Variants in PDE1A observed in about 807,000 individuals in gnomAD.
The protein encoded by PDE1A is phosphodiesterase 1A.
Under a neutral mutation model 61.7 loss-of-function variants are expected in PDE1A, and 35 were observed. The ratio of observed to expected loss-of-function variants is 0.57; its 90% CI spans 0.43 to 0.75. PDE1A has a LOEUF of 0.75. Ranked by LOEUF, PDE1A falls within the 30% of genes least tolerant of loss-of-function variation. The probability of loss-of-function intolerance (pLI) is 0.00; values close to 1 mark genes in which losing one functional copy is unlikely to be tolerated. For synonymous variants in PDE1A, 232 were observed against 213.2 expected, an observed-to-expected ratio of 1.09 and a Z score of -0.77; for missense variants, 597 against 630.6, an observed-to-expected ratio of 0.95 and a Z score of 0.57.
chr2:182,527,926 G>A (rs149044159), upstream of PDE1A, among the ~76,000 whole-genome samples: 349 of 152,192 alleles, frequency 2.3e-3, 3 homozygotes, highest in African/African-American at 7.9e-3. Flanking sequence ...CACCACGATT[G>A]TAAGGCCTCC....
intron 1 of PDE1A, among the ~76,000 whole-genome samples, chr2:182,284,730 T>G (rs1000308315): frequency 6.6e-6 from 1 of 152,128 alleles, no homozygotes; most frequent in Non-Finnish European, 1.5e-5. Flanking sequence ...TTTTAATCTT[T>G]TCTTTATGCA....
intron 2 of PDE1A, among the ~76,000 whole-genome samples, chr2:182,442,440 C>G (rs1228831000): frequency 6.6e-6 from 1 of 151,848 alleles, no homozygotes; most frequent in East Asian, 1.9e-4. Context: ...ACTATTGGGA[C>G]AAAGACAAAA....
intron 1 of PDE1A, among the ~76,000 whole-genome samples, chr2:182,390,910 C>T: frequency 6.6e-6 from 1 of 152,164 alleles, no homozygotes; most frequent in East Asian, 1.9e-4. Flanking sequence ...TGATGGCCTC[C>T]CCTGAGGCAG....
the PDE1A span, among the ~76,000 whole-genome samples, chr2:182,649,964 A>T: frequency 6.6e-6 from 1 of 152,066 alleles, no homozygotes; most frequent in Admixed American, 6.5e-5. Flanking sequence ...TTGTAGTCTC[A>T]GCTACTCGGA....
chr2:182,430,968 AG>A (rs1409569323), upstream of PDE1A, among the ~76,000 whole-genome samples: 3 of 79,342 alleles, frequency 3.8e-5, no homozygotes, highest in African/African-American at 5.0e-5. Context: ...GGGGTCGGGG[AG>A]GGGGGAGGGA....
At chr2:182,241,503 A>G in intron 2 of PDE1A, among the ~76,000 whole-genome samples, 1 of 152,234 alleles carries the variant, frequency 6.6e-6, no homozygotes, top group Non-Finnish European at 1.5e-5. Flanking sequence ...ACAAAGGACA[A>G]AAAACAGGAG....
chr2:182,655,087 G>A, the PDE1A span, among the ~76,000 whole-genome samples: 1 of 152,142 alleles, frequency 6.6e-6, no homozygotes, highest in African/African-American at 2.4e-5. Context: ...AGCGTAAAGA[G>A]GATAGTAACT....
intron 1 of PDE1A, among the ~76,000 whole-genome samples, chr2:182,336,870 G>A (rs754664621): frequency 1.3e-5 from 2 of 150,572 alleles, no homozygotes; most frequent in African/African-American, 4.9e-5. Context: ...GTGAGGGGAG[G>A]AAACTTAGAG....
intron 2 of PDE1A, among the ~76,000 whole-genome samples, chr2:182,512,723 C>A (rs955659312): frequency 1.3e-5 from 2 of 152,054 alleles, no homozygotes; most frequent in African/African-American, 4.8e-5. Flanking sequence ...GATTCAAGAG[C>A]TGAGAGACAA....
At chr2:182,399,922 T>C (rs1270606579) in intron 1 of PDE1A, among the ~76,000 whole-genome samples, 1 of 152,164 alleles carries the variant, frequency 6.6e-6, no homozygotes, top group African/African-American at 2.4e-5. Context: ...TATTCCTGCA[T>C]GAAAGACTTC....
chr2:182,705,000 C>T, the PDE1A span, among the ~76,000 whole-genome samples: 3 of 151,990 alleles, frequency 2.0e-5, no homozygotes, highest in Non-Finnish European at 4.4e-5. Context: ...TTTTTTGATT[C>T]TTAGATAGAT....
chr2:182,693,844 G>A, the PDE1A span, among the ~76,000 whole-genome samples: 9 of 151,766 alleles, frequency 5.9e-5, no homozygotes, highest in African/African-American at 1.9e-4. Flanking sequence ...ACAGCATTTT[G>A]CCATGTTGGC....
the PDE1A span, among the ~76,000 whole-genome samples, chr2:182,671,390 G>C: frequency 4.6e-5 from 6 of 129,802 alleles, 1 homozygote; most frequent in South Asian, 1.5e-3. Flanking sequence ...GGGTTTCGCC[G>C]CATTAGCTAG....
At chr2:182,184,262 A>T (rs76810175) in intron 13 of PDE1A, among the ~76,000 whole-genome samples, 1 of 9,144 alleles carries the variant, frequency 1.1e-4, no homozygotes, top group East Asian at 0.024. Context: ...TAGAATACTG[A>T]AAAAAAAAAA....
the PDE1A span, among the ~76,000 whole-genome samples, chr2:182,684,123 C>CAAA: frequency 3.8e-5 from 2 of 52,064 alleles, no homozygotes; most frequent in African/African-American, 1.5e-4. Context: ...AACTCCATCT[C>CAAA]AAAAAAAAAA....
At chr2:182,471,366 A>G (rs1559493059) in intron 2 of PDE1A, among the ~76,000 whole-genome samples, 1 of 151,750 alleles carries the variant, frequency 6.6e-6, no homozygotes, top group East Asian at 1.9e-4. Flanking sequence ...GTTCTGAAGA[A>G]CCTTTTATAC....
the PDE1A span, among the ~76,000 whole-genome samples, chr2:182,692,348 G>A: frequency 6.6e-6 from 1 of 152,130 alleles, no homozygotes; most frequent in Non-Finnish European, 1.5e-5. Context: ...CCATAAAAAT[G>A]ATGAGTTCAT....
At chr2:182,365,138 G>T (rs537177496) in intron 1 of PDE1A, among the ~76,000 whole-genome samples, 1 of 151,950 alleles carries the variant, frequency 6.6e-6, no homozygotes, top group Admixed American at 6.6e-5. Flanking sequence ...TATGAGTAGG[G>T]TGTTCATATT....
chr2:182,518,961 T>G (rs1251887931), intron 2 of PDE1A, among the ~76,000 whole-genome samples: 1 of 151,876 alleles, frequency 6.6e-6, no homozygotes, highest in Non-Finnish European at 1.5e-5. Context: ...TCCACAGGTG[T>G]GGAACTCTTT....
Sources: gnomAD v4.1 joint callset for allele counts (sites outside exome capture counted in the v4.1 genomes callset) on GRCh38, gnomAD v4.1.1 for gene constraint, MANE v1.5 for transcripts, NCBI Gene and HGNC (gene_info 2026-07-23, HGNC 2026-07-21) for gene names.